Variants in FBXO47 observed in about 807,000 individuals in gnomAD.
The protein encoded by FBXO47 is F-box protein 47, also known as F-box only protein 47.
Under a neutral mutation model 53.9 loss-of-function variants are expected in FBXO47, and 34 were observed. That is an observed-to-expected ratio of 0.63 (90% CI 0.48 to 0.84). FBXO47 has a LOEUF of 0.84. Among genes scored for constraint, FBXO47 ranks in the 40% least tolerant of loss-of-function variants. The pLI, the probability that FBXO47 is intolerant of heterozygous loss-of-function variation, is 0.00. For synonymous variants in FBXO47, 165 were observed against 181.6 expected, an observed-to-expected ratio of 0.91 and a Z score of 0.73; for missense variants, 485 against 541.3, an observed-to-expected ratio of 0.90 and a Z score of 1.03.
intron 6 of FBXO47, 21 bp from the exon 7 acceptor site, chr17:38,945,157 T>C: frequency 6.4e-7 from 1 of 1,565,060 alleles, no homozygotes; most frequent in Non-Finnish European, 8.8e-7. Flanking sequence ...AAAAGAATTG[T>C]AAATCATTCT....
intron 3 of FBXO47, among the ~76,000 whole-genome samples, chr17:38,958,421 G>T (rs1905659369): frequency 6.6e-6 from 1 of 150,462 alleles, no homozygotes; most frequent in Non-Finnish European, 1.5e-5. Context: ...TCCTTTTATG[G>T]GACTTGCATG....
chr17:38,954,722 C>A, intron 5 of FBXO47, 134 bp downstream of exon 5: 2 of 536,070 alleles, frequency 3.7e-6, no homozygotes, highest in Non-Finnish European at 6.4e-6. Flanking sequence ...TTAATACATT[C>A]TCAAATCTTT....
chr17:38,941,078 A>G (rs895722100), intron 9 of FBXO47, among the ~76,000 whole-genome samples: 2 of 151,806 alleles, frequency 1.3e-5, no homozygotes, highest in Non-Finnish European at 1.5e-5. Flanking sequence ...TTGACCACCC[A>G]GACTCAAGTG....
rs1018264538 is a variant in FBXO47, at chr17:38,957,640, G to C, written c.353-387C>G. Among the ~76,000 whole-genome samples, 4 of 151,138 alleles carry C rather than the reference G, an allele frequency of 2.6e-5. No individual in the cohort carries two copies. In the East Asian group the frequency reaches 7.7e-4, roughly 29 times the overall value. On this transcript the variant is annotated intron_variant, in intron 3 of 10. Coordinates refer to ENST00000378079, the MANE Select transcript of FBXO47 (RefSeq NM_001008777.3). ...TGAAATTAACCTCATGTCCACAAAG[G>C]AATATGTTTTAAGAGTTGTTAATCT...
At chr17:38,946,951 T>G (rs1190960614) in intron 6 of FBXO47, among the ~76,000 whole-genome samples, 1 of 121,876 alleles carries the variant, frequency 8.2e-6, no homozygotes, top group Non-Finnish European at 1.6e-5. Context: ...TAAACATATA[T>G]AAATATATAA....
At chr17:38,944,786 G>A (rs1209630647) in intron 7 of FBXO47, among the ~76,000 whole-genome samples, 174 bp downstream of exon 7, 6 of 151,282 alleles carry the variant, frequency 4.0e-5, no homozygotes, top group Admixed American at 1.3e-4. Context: ...CAGGAGAATC[G>A]CTTGAACCCG....
Position 38,938,589 on chromosome 17 carries a change from C to A in FBXO47, c.1227G>T (p.Leu409=), listed in dbSNP as rs746720913. 1.9e-6 allele frequency: 3 copies of A among 1,611,490 alleles called. No individual in the cohort carries two copies. The African/African-American group carries it at 4.0e-5, about 21-fold the overall frequency. The change falls in exon 10 of 11, where the codon CTG becomes CTT. Residue 409 remains leucine, a synonymous_variant. Transcript: ENST00000378079. ...NAFACVIMEM[L]QSIMSGDRDE... The stretch of plus-strand genomic sequence containing the variant: ...CCTACTCACCAGACATAATTGATTG[C>A]AGCATTTCCATTATAACACATGCAA...
rs1567716687 is a variant in FBXO47, at chr17:38,946,382, A to ATATATAGATATATATATAAC, written c.617-1247_617-1246insGTTATATATATATCTATATA. Among the ~76,000 whole-genome samples the ATATATAGATATATATATAAC allele has an allele frequency of 4.7e-4, 40 of 84,902 alleles. 5 individuals are homozygous for ATATATAGATATATATATAAC. Among genetic ancestry groups the ATATATAGATATATATATAAC allele is most frequent in the African/African-American group, 2.4e-3 (40 of 16,616 alleles). 55.7% of individuals were successfully genotyped at this position (84,902 alleles called of 152,430 possible). A position where few individuals can be genotyped will look rare whatever the true frequency, so the allele number is the denominator to read the frequency against. On this transcript the variant is annotated intron_variant, in intron 6 of 10. Coordinates refer to ENST00000378079, the MANE Select transcript of FBXO47 (RefSeq NM_001008777.3). ...TATAAATATATAGATATATATATAA[A>ATATATAGATATATATATAAC]TATATATATCTATATATAAATATAT...
chr17:38,958,320 T>G (rs1905654992), intron 3 of FBXO47, among the ~76,000 whole-genome samples: 1 of 152,038 alleles, frequency 6.6e-6, no homozygotes, highest in African/African-American at 2.4e-5. Context: ...ATTTAAGTCA[T>G]AAGTACTTAA....
Position 38,952,815 on chromosome 17 carries a change from C to CTTTTTTTTTTTTTTTTTTTTTT in FBXO47, c.508-1127_508-1126insAAAAAAAAAAAAAAAAAAAAAA, listed in dbSNP as rs139105548. On this transcript the variant is annotated intron_variant, in intron 5 of 10. Coordinates refer to ENST00000378079, the MANE Select transcript of FBXO47 (RefSeq NM_001008777.3). ...GACAATTCTGAGCATTTATTTATGA[C>CTTTTTTTTTTTTTTTTTTTTTT]TTTTTTTTTTTTTTTTTTTGTAGAG... is the stretch of plus-strand genomic sequence containing the variant. Among the ~76,000 whole-genome samples the CTTTTTTTTTTTTTTTTTTTTTT allele has an allele frequency of 4.3e-5, 5 of 115,346 alleles. No homozygotes were observed. In the East Asian group the frequency reaches 1.1e-3, roughly 26 times the overall value. The allele number at this position is 115,346 out of a possible 152,430, so 75.7% of individuals were successfully genotyped here. A position where few individuals can be genotyped will look rare whatever the true frequency, so the allele number is the denominator to read the frequency against.
In FBXO47 at chr17:38,961,910, C is replaced by T; in HGVS notation, c.319G>A (p.Asp107Asn). 6.2e-7 allele frequency: 1 copy of T among 1,614,008 alleles called. No individual in the cohort carries two copies. Among genetic ancestry groups the T allele is most frequent in the Non-Finnish European group, 8.5e-7 (1 of 1,179,982 alleles). The change falls in exon 3 of 11, where the codon GAC (aspartate) becomes AAC (asparagine). Residue 107 changes from aspartate (D) to asparagine (N), a missense_variant. Asp to Asn is a conservative substitution (Grantham distance 23). Transcript: ENST00000378079. ...CTGTAGTGCTCCAGTATAGCAGAGT[C>T]TTGTCTCCTGTCAGGCAGCTCAAGG... ...HNLELPDRRQ[D>N]SAILEHYRSL...
intron 4 of FBXO47, among the ~76,000 whole-genome samples, chr17:38,955,508 A>T (rs1905508346): frequency 6.6e-6 from 1 of 151,322 alleles, no homozygotes; most frequent in Non-Finnish European, 1.5e-5. Context: ...CAGTGGCATG[A>T]CTTTGGCTCA....
At chr17:38,943,825 A>G in intron 7 of FBXO47, 89 bp from the exon 8 acceptor site, 1 of 1,106,720 alleles carries the variant, frequency 9.0e-7, no homozygotes, top group Non-Finnish European at 1.3e-6. Context: ...GCACAATGGA[A>G]TCCCATTACT....
intron 7 of FBXO47, 21 bp from the exon 8 acceptor site, chr17:38,943,757 G>A: frequency 6.3e-7 from 1 of 1,586,944 alleles, no homozygotes; most frequent in African/African-American, 1.4e-5. Context: ...ACAAAAACGA[G>A]GCTATGACAG....
chr17:38,962,762 C>A lies in FBXO47; in HGVS notation c.181+83G>T, dbSNP rs969998660. The A allele has an allele frequency of 3.2e-6, 3 of 947,214 alleles. 1 individual carries two copies. Among genetic ancestry groups the A allele is most frequent in the Non-Finnish European group, 3.1e-6 (2 of 650,648 alleles). 58.7% of individuals were successfully genotyped at this position (947,214 alleles called of 1,614,324 possible). A position where few individuals can be genotyped will look rare whatever the true frequency, so the allele number is the denominator to read the frequency against. On this transcript the variant is annotated intron_variant, in intron 2 of 10. Coordinates refer to ENST00000378079, the MANE Select transcript of FBXO47 (RefSeq NM_001008777.3). Reference sequence around the variant, plus strand: ...GAATGTCATTAACATTTTAGCATGGCCCAAGATGACAAACTAGTTCTTGGG... The same window carrying A: ...GAATGTCATTAACATTTTAGCATGGACCAAGATGACAAACTAGTTCTTGGG...
intron 3 of FBXO47, among the ~76,000 whole-genome samples, chr17:38,959,623 ATTGT>A (rs1905725813): frequency 9.2e-6 from 1 of 108,308 alleles, no homozygotes; most frequent in East Asian, 2.6e-4. Context: ...TCTTCAAAGC[ATTGT>A]GTGTGTGTGT....
chr17:38,958,268 G>C (rs1004897489), intron 3 of FBXO47, among the ~76,000 whole-genome samples: 6 of 152,006 alleles, frequency 3.9e-5, no homozygotes, highest in Admixed American at 3.9e-4. Context: ...ATTGCGTTGG[G>C]CCGAGAAAAC....
intron 4 of FBXO47, among the ~76,000 whole-genome samples, chr17:38,955,433 TTAA>T (rs1905504417): frequency 6.6e-6 from 1 of 151,034 alleles, no homozygotes; most frequent in South Asian, 2.1e-4. Flanking sequence ...CACAATTTAT[TTAA>T]TAATAATATT....
intron 10 of FBXO47, among the ~76,000 whole-genome samples, 192 bp from the exon 11 acceptor site, chr17:38,937,482 G>C (rs1051138985): frequency 4.0e-5 from 6 of 151,648 alleles, no homozygotes; most frequent in Non-Finnish European, 8.8e-5. Context: ...TCAGCCTCCC[G>C]AGTAGCTGGG....
Sources: allele counts gnomAD v4.1 joint callset (sites outside exome capture counted in the v4.1 genomes callset), GRCh38; gene constraint gnomAD v4.1.1; transcripts MANE v1.5; gene names NCBI Gene and HGNC (gene_info 2026-07-23, HGNC 2026-07-21).